Variants in STPG2 observed in about 807,000 individuals in gnomAD.
STPG2 encodes the protein sperm-tail PG-rich repeat-containing protein 2.
A neutral mutation model predicts 54.2 loss-of-function variants in STPG2; 56 were observed. The observed-to-expected ratio is 1.03, with a 90% CI of 0.83 to 1.29. The LOEUF (loss-of-function observed/expected upper bound fraction) is 1.29, where lower values mean the gene tolerates loss of function less well. Among genes scored for constraint, STPG2 ranks in the 50% most tolerant of loss-of-function variants. The pLI is 0.00. For missense variants in STPG2, 596 were observed against 544.9 expected, an observed-to-expected ratio of 1.09 and a Z score of -0.93; for synonymous variants, 200 against 181.8, an observed-to-expected ratio of 1.10 and a Z score of -0.81.
intron 4 of STPG2, among the ~76,000 whole-genome samples, chr4:97,454,554 A>G (rs1578311575): frequency 6.9e-6 from 1 of 143,900 alleles, no homozygotes; most frequent in Non-Finnish European, 1.5e-5. Context: ...AAAAAAAAAA[A>G]AAAGAAAAGG....
intron 5 of STPG2, among the ~76,000 whole-genome samples, chr4:98,034,425 A>C (rs1466438845): frequency 6.6e-6 from 1 of 152,216 alleles, no homozygotes; most frequent in Non-Finnish European, 1.5e-5. Context: ...AGAACTACAA[A>C]CCATCACTCA....
intron 9 of STPG2, among the ~76,000 whole-genome samples, chr4:97,740,116 A>G (rs1329299715): frequency 6.6e-6 from 1 of 152,218 alleles, no homozygotes; most frequent in Non-Finnish European, 1.5e-5. Flanking sequence ...AAAAAACCAC[A>G]GGATTATCTC....
At chr4:97,849,658 A>T (rs1201947448) in intron 8 of STPG2, among the ~76,000 whole-genome samples, 2 of 152,168 alleles carry the variant, frequency 1.3e-5, no homozygotes, top group Non-Finnish European at 2.9e-5. Context: ...CAGCCAAAAA[A>T]CACATGAAAA....
intron 5 of STPG2, among the ~76,000 whole-genome samples, chr4:97,995,499 G>A (rs1173684556): frequency 6.6e-6 from 1 of 151,712 alleles, no homozygotes; most frequent in African/African-American, 2.4e-5. Context: ...TTTTAAGTCA[G>A]ATTACATTTT....
chr4:98,061,028 A>G (rs1214145368), intron 5 of STPG2, among the ~76,000 whole-genome samples: 3 of 152,346 alleles, frequency 2.0e-5, no homozygotes, highest in African/African-American at 4.8e-5. Flanking sequence ...CATGACGAAG[A>G]TGCCAAAAGC....
chr4:97,923,151 C>A (rs949115535), intron 8 of STPG2, among the ~76,000 whole-genome samples: 10 of 152,280 alleles, frequency 6.6e-5, no homozygotes, highest in African/African-American at 2.4e-4. Context: ...CCCACTCTGG[C>A]CATGCTTGAG....
At position 97,845,942 on chromosome 4, in the gene STPG2, G is replaced by A. The variant is rs1201758688; in HGVS notation, c.1045-5010C>T. On this transcript the variant is annotated intron_variant, in intron 8 of 10. Coordinates refer to ENST00000295268, the MANE Select transcript of STPG2 (RefSeq NM_174952.3). ...TAAGAGAAAAAGAAAGAATTTGTGG[G>A]TCTTTTGAAAGTCACATAGTACAGC... Among the ~76,000 whole-genome samples, 7 of 152,112 alleles carry A rather than the reference G, an allele frequency of 4.6e-5. No homozygotes were observed. The East Asian group carries it at 1.2e-3, about 25-fold the overall frequency.
At chr4:97,535,132 AT>A (rs1446720940) in intron 4 of STPG2, among the ~76,000 whole-genome samples, 4 of 152,176 alleles carry the variant, frequency 2.6e-5, no homozygotes, top group Admixed American at 1.3e-4. Context: ...TTTTCATTTC[AT>A]TTGGGCAAAT....
At chr4:97,887,627 G>T (rs1730627723) in intron 8 of STPG2, among the ~76,000 whole-genome samples, 1 of 152,188 alleles carries the variant, frequency 6.6e-6, no homozygotes, top group African/African-American at 2.4e-5. Flanking sequence ...AGGAAAAGCA[G>T]AGCTTAAAAG....
At chr4:97,532,909 G>T (rs1731445490) in intron 4 of STPG2, among the ~76,000 whole-genome samples, 2 of 152,084 alleles carry the variant, frequency 1.3e-5, no homozygotes, top group Non-Finnish European at 1.5e-5. Context: ...TTGAGATGGA[G>T]TTTCGCTCTG....
intron 8 of STPG2, among the ~76,000 whole-genome samples, chr4:97,853,464 T>C (rs1234700648): frequency 6.6e-6 from 1 of 152,178 alleles, no homozygotes; most frequent in African/African-American, 2.4e-5. Flanking sequence ...AACAGAATTG[T>C]GCAAATTAGC....
intron 5 of STPG2, among the ~76,000 whole-genome samples, chr4:98,064,924 G>T (rs904271519): frequency 1.3e-5 from 2 of 152,026 alleles, no homozygotes; most frequent in African/African-American, 4.8e-5. Context: ...TTTAGATACA[G>T]GGTCTCACTC....
chr4:97,513,489 A>G (rs1391964888), intron 4 of STPG2, among the ~76,000 whole-genome samples: 1 of 152,002 alleles, frequency 6.6e-6, no homozygotes, highest in East Asian at 1.9e-4. Flanking sequence ...ACCAGCCCCC[A>G]TCCTGAAGCT....
intron 10 of STPG2, among the ~76,000 whole-genome samples, chr4:97,663,845 T>C (rs923088848): frequency 1.3e-5 from 2 of 152,180 alleles, no homozygotes; most frequent in Admixed American, 6.5e-5. Flanking sequence ...AATGATGAAT[T>C]TGTAATCTTA....
At chr4:97,896,942 C>A (rs967695137) in intron 8 of STPG2, among the ~76,000 whole-genome samples, 2 of 151,526 alleles carry the variant, frequency 1.3e-5, no homozygotes, top group Admixed American at 6.6e-5. Flanking sequence ...GGTACATGTG[C>A]AGGATTGTTA....
At chr4:97,764,261 A>C (rs1032968485) in intron 9 of STPG2, among the ~76,000 whole-genome samples, 3 of 152,066 alleles carry the variant, frequency 2.0e-5, no homozygotes, top group African/African-American at 4.8e-5. Flanking sequence ...CCTCAAGACT[A>C]GAACAGATTC....
At chr4:97,492,653 T>G (rs934620627) in intron 4 of STPG2, among the ~76,000 whole-genome samples, 1 of 151,062 alleles carries the variant, frequency 6.6e-6, no homozygotes, top group Admixed American at 6.6e-5. Context: ...AACTTTTTTT[T>G]TTTCTATATT....
intron 8 of STPG2, among the ~76,000 whole-genome samples, chr4:97,855,545 C>A (rs1309051042): frequency 6.6e-6 from 1 of 150,618 alleles, no homozygotes; most frequent in African/African-American, 2.4e-5. Flanking sequence ...AATTTAAGTT[C>A]CTGTAGACTC....
At chr4:97,751,386 C>T (rs1392878983) in intron 9 of STPG2, among the ~76,000 whole-genome samples, 1 of 151,660 alleles carries the variant, frequency 6.6e-6, no homozygotes, top group Non-Finnish European at 1.5e-5. Flanking sequence ...TCTTGGGAAC[C>T]CCCAACACAA....
Sources: allele counts gnomAD v4.1 joint callset (sites outside exome capture counted in the v4.1 genomes callset), GRCh38; gene constraint gnomAD v4.1.1; transcripts MANE v1.5; gene names NCBI Gene and HGNC (gene_info 2026-07-23, HGNC 2026-07-21).